Variants in MECOM observed in about 807,000 individuals in gnomAD.
MECOM encodes the protein MDS1 and EVI1 complex locus, also known as histone-lysine N-methyltransferase MECOM.
A neutral mutation model predicts 116.3 loss-of-function variants in MECOM; 13 were observed. The observed-to-expected ratio is 0.11, with a 90% confidence interval of 0.07 to 0.18. MECOM has a LOEUF of 0.18. Ranked by LOEUF, MECOM falls within the 10% of genes least tolerant of loss-of-function variation. The pLI is 1.00. For synonymous variants in MECOM, 528 were observed against 535.2 expected (o/e 0.99, Z 0.19); for missense variants, 1,299 against 1,509.0 (o/e 0.86, Z 2.31).
intron 1 of MECOM, among the ~76,000 whole-genome samples, chr3:169,457,767 C>T (rs527972672): frequency 1.3e-5 from 2 of 152,182 alleles, no homozygotes; most frequent in Non-Finnish European, 1.5e-5. Context: ...CAGGCCCTCA[C>T]TGAGGATTTG....
intron 1 of MECOM, among the ~76,000 whole-genome samples, chr3:169,408,527 C>T (rs1737058207): frequency 6.6e-6 from 1 of 152,192 alleles, no homozygotes; most frequent in Admixed American, 6.5e-5. Flanking sequence ...ATGAAGAGTT[C>T]TCACTAAGAA....
intron 1 of MECOM, among the ~76,000 whole-genome samples, chr3:169,490,246 C>T (rs893464969): frequency 1.3e-5 from 2 of 152,056 alleles, no homozygotes; most frequent in African/African-American, 2.4e-5. Flanking sequence ...TTGAATCACT[C>T]TTATTAGGAG....
chr3:169,621,202 C>G lies in MECOM; in HGVS notation c.37+42134G>C, dbSNP rs16854215. On this transcript the variant is annotated intron_variant, in intron 1 of 16. Coordinates refer to ENST00000651503, the MANE Select transcript of MECOM (RefSeq NM_004991.4). Reference sequence around the variant, plus strand: ...TTTCCTGTTAATTTGAAACTTTGCTCTATTTCACATTTCTTAACCTCTTAA... The same window carrying G: ...TTTCCTGTTAATTTGAAACTTTGCTGTATTTCACATTTCTTAACCTCTTAA... 9.4e-3 allele frequency among the ~76,000 whole-genome samples: 1,435 copies of G among 152,290 alleles called. 31 individuals carry two copies. Among genetic ancestry groups the G allele is most frequent in the African/African-American group, 0.032 (1,334 of 41,562 alleles).
At chr3:169,614,839 C>T (rs1330539538) in intron 1 of MECOM, 1 of 152,204 alleles carries the variant, frequency 6.6e-6, no homozygotes, top group Non-Finnish European at 1.5e-5. Flanking sequence ...CTCTGCACAC[C>T]TCTTTTTGGG....
At chr3:169,136,171 A>G (rs1289396825) in intron 3 of MECOM, among the ~76,000 whole-genome samples, 2 of 151,810 alleles carry the variant, frequency 1.3e-5, no homozygotes, top group African/African-American at 4.8e-5. Context: ...TGGTGATATG[A>G]AATTGATTGA....
chr3:169,121,202 G>A lies in MECOM; in HGVS notation c.986C>T (p.Thr329Met), dbSNP rs191082304. The change falls in exon 7 of 17, where the codon ACG (threonine) becomes ATG (methionine). Residue 329 changes from threonine to methionine, a missense_variant. Physicochemically the swap from Thr to Met is moderately conservative, Grantham distance 81. Transcript: ENST00000651503. Reference protein sequence around the residue: ...YECENCAKVFTDPSNLQRHIR... With the variant: ...YECENCAKVFMDPSNLQRHIR... ...GTGCCGCTGAAGGTTGCTAGGGTCC[G>A]TGAAAACCTGCTAGGAAATGAGTAC... is the stretch of plus-strand genomic sequence containing the variant. 32 of 1,609,248 alleles carry A rather than the reference G, an allele frequency of 2.0e-5. No individual in the cohort carries two copies. Among genetic ancestry groups the A allele is most frequent in the African/African-American group, 5.3e-5 (4 of 74,962 alleles).
At chr3:169,299,143 C>G (rs1446742400) in intron 2 of MECOM, among the ~76,000 whole-genome samples, 1 of 152,080 alleles carries the variant, frequency 6.6e-6, no homozygotes, top group Non-Finnish European at 1.5e-5. Flanking sequence ...CTAGTTCTCA[C>G]TAGGAATTGC....
intron 1 of MECOM, chr3:169,476,823 G>A (rs1329029730): frequency 3.3e-5 from 5 of 151,440 alleles, no homozygotes; most frequent in African/African-American, 9.7e-5. Context: ...TTGAGTGGAA[G>A]AAGATGCTAT....
chr3:169,090,301 TTTA>T, intron 14 of MECOM, 65 bp from the exon 15 acceptor site: 1 of 1,413,654 alleles, frequency 7.1e-7, no homozygotes, highest in Non-Finnish European at 9.6e-7. Flanking sequence ...AATTTGTTCC[TTTA>T]TTATGTCTTC....
In MECOM at chr3:169,554,033, C is replaced by T. The variant is rs560867382; in HGVS notation, c.37+109303G>A. 1.6e-3 allele frequency among the ~76,000 whole-genome samples: 248 copies of T among 152,288 alleles called. 3 individuals are homozygous for T. The highest frequency in any genetic ancestry group is 5.7e-3 in the African/African-American group (236 of 41,574). Reference sequence around the variant, plus strand: ...CAGTCCTAACACTACATTTCCCAGCCTCCCTTGCATTTAGGTGGAAAGCAG... The same window carrying T: ...CAGTCCTAACACTACATTTCCCAGCTTCCCTTGCATTTAGGTGGAAAGCAG... On this transcript the variant is annotated intron_variant, in intron 1 of 16. Transcript: ENST00000651503.
Position 169,663,522 on chromosome 3 carries a change from CTCTCTCT to C in MECOM, c.-157_-151del, listed in dbSNP as rs1560554261. 28 of 659,156 alleles carry C rather than the reference CTCTCTCT, an allele frequency of 4.2e-5. No homozygotes were observed. Among genetic ancestry groups the C allele is most frequent in the African/African-American group, 7.6e-5 (4 of 52,382 alleles). The allele number at this position is 659,156 out of a possible 1,614,324, so 40.8% of individuals were successfully genotyped here. A position where few individuals can be genotyped will look rare whatever the true frequency, so the allele number is the denominator to read the frequency against. ...TCTCTCTCTCTCTCTCTCTCTCTCTCTCTCTCTCCCTCCCTCCTGTTTCTCTCCTGTT... is the reference window on the plus strand; with the variant it reads ...TCTCTCTCTCTCTCTCTCTCTCTCTCCCCTCCCTCCTGTTTCTCTCCTGTT... On this transcript the variant is annotated 5_prime_UTR_variant, in exon 1 of 17. Coordinates refer to ENST00000651503, the MANE Select transcript of MECOM (RefSeq NM_004991.4).
intron 1 of MECOM, among the ~76,000 whole-genome samples, chr3:169,560,814 G>A (rs1762550083): frequency 1.3e-5 from 2 of 151,898 alleles, no homozygotes; most frequent in South Asian, 4.2e-4. Context: ...GCAGCAAATG[G>A]GCCTAAATGA....
chr3:169,341,527 G>A (rs1373756622), intron 2 of MECOM, among the ~76,000 whole-genome samples: 10 of 151,370 alleles, frequency 6.6e-5, no homozygotes, highest in Non-Finnish European at 1.2e-4. Context: ...GGATCATGAG[G>A]TCAAGAAATC....
chr3:169,376,473 C>A (rs1731058309), intron 2 of MECOM, among the ~76,000 whole-genome samples: 1 of 152,200 alleles, frequency 6.6e-6, no homozygotes, highest in African/African-American at 2.4e-5. Context: ...AAAGCAACTT[C>A]AGCAAAGTCT....
intron 1 of MECOM, among the ~76,000 whole-genome samples, chr3:169,475,410 A>T (rs141492060): frequency 2.1e-3 from 326 of 152,260 alleles, no homozygotes; most frequent in African/African-American, 7.7e-3. Context: ...TGGGCACAGG[A>T]TGTTTCATGA....
chr3:169,562,178 A>C (rs970800438), intron 1 of MECOM, among the ~76,000 whole-genome samples: 1 of 119,150 alleles, frequency 8.4e-6, no homozygotes, highest in African/African-American at 4.0e-5. Flanking sequence ...GAAAGAAAGA[A>C]AAAAAAAAGA....
At chr3:169,532,710 T>C (rs1456679183) in intron 1 of MECOM, among the ~76,000 whole-genome samples, 1 of 152,112 alleles carries the variant, frequency 6.6e-6, no homozygotes, top group Admixed American at 6.6e-5. Context: ...TTGCCCTCAG[T>C]GTGATTTTTA....
At chr3:169,324,967 C>A (rs981063913) in intron 2 of MECOM, among the ~76,000 whole-genome samples, 1 of 152,074 alleles carries the variant, frequency 6.6e-6, no homozygotes, top group African/African-American at 2.4e-5. Context: ...AACTGTGGGT[C>A]CTACAGTAAC....
intron 1 of MECOM, among the ~76,000 whole-genome samples, chr3:169,512,029 A>G (rs1306342727): frequency 6.6e-6 from 1 of 152,170 alleles, no homozygotes; most frequent in Non-Finnish European, 1.5e-5. Context: ...TAATTTATTT[A>G]ACTGCTTGGG....
Sources: allele counts gnomAD v4.1 joint callset (sites outside exome capture counted in the v4.1 genomes callset), GRCh38; gene constraint gnomAD v4.1.1; transcripts MANE v1.5; gene names NCBI Gene and HGNC (gene_info 2026-07-23, HGNC 2026-07-21).